Variants in PHACTR3 observed in about 807,000 individuals in gnomAD.
The protein encoded by PHACTR3 is protein phosphatase 1, regulatory subunit 123.
Under a neutral mutation model 66.8 loss-of-function variants are expected in PHACTR3, and 16 were observed. That is an observed-to-expected ratio of 0.24 (90% CI 0.16 to 0.36). The LOEUF (loss-of-function observed/expected upper bound fraction) is 0.36. PHACTR3 is among the 10% of genes least tolerant of loss of function. The pLI is 1.00. For synonymous variants in PHACTR3, 323 were observed against 292.1 expected (o/e 1.11, Z -1.08); for missense variants, 647 against 719.9 (o/e 0.90, Z 1.16).
chr20:59,590,102 C>A (rs560038868), intron 1 of PHACTR3, among the ~76,000 whole-genome samples: 1 of 152,108 alleles, frequency 6.6e-6, no homozygotes, highest in African/African-American at 2.4e-5. Context: ...TGTGCACTCA[C>A]GTGTGCATGT....
At chr20:59,671,776 C>T (rs2036203221) in intron 1 of PHACTR3, among the ~76,000 whole-genome samples, 1 of 152,246 alleles carries the variant, frequency 6.6e-6, no homozygotes, top group Admixed American at 6.5e-5. Context: ...TGGCTCTTGC[C>T]AGGCTGCGTG....
chr20:59,743,521 G>A (rs553562087), intron 2 of PHACTR3, among the ~76,000 whole-genome samples: 10 of 152,328 alleles, frequency 6.6e-5, no homozygotes, highest in African/African-American at 2.4e-4. Context: ...AGACCCTAAG[G>A]TGCCCACAAG....
intron 1 of PHACTR3, among the ~76,000 whole-genome samples, chr20:59,671,236 G>T (rs1399778293): frequency 6.6e-6 from 1 of 152,250 alleles, no homozygotes; most frequent in Non-Finnish European, 1.5e-5. Flanking sequence ...GCCTGGGCAA[G>T]TGGGGCTGTG....
At chr20:59,655,720 C>G (rs911864549) in intron 1 of PHACTR3, among the ~76,000 whole-genome samples, 1 of 151,742 alleles carries the variant, frequency 6.6e-6, no homozygotes, top group African/African-American at 2.4e-5. Context: ...TTTTTCTACT[C>G]TTTTCGAGTG....
At chr20:59,821,251 G>A (rs974512750) in intron 8 of PHACTR3, among the ~76,000 whole-genome samples, 10 of 152,264 alleles carry the variant, frequency 6.6e-5, no homozygotes, top group East Asian at 3.9e-4. Flanking sequence ...CAGACCGCAC[G>A]TTAGAGCCAC....
intron 1 of PHACTR3, among the ~76,000 whole-genome samples, chr20:59,623,142 A>C (rs763743294): frequency 1.3e-4 from 20 of 152,024 alleles, no homozygotes; most frequent in Admixed American, 3.3e-4. Flanking sequence ...TTATTGAAAA[A>C]AACTCAACAG....
intron 2 of PHACTR3, among the ~76,000 whole-genome samples, chr20:59,745,604 G>A (rs1286401332): frequency 2.0e-5 from 3 of 152,208 alleles, no homozygotes; most frequent in Non-Finnish European, 2.9e-5. Context: ...CTGATTTCAC[G>A]GGCATCACGG....
intron 5 of PHACTR3, among the ~76,000 whole-genome samples, chr20:59,769,448 C>G (rs866955934): frequency 2.0e-5 from 3 of 152,180 alleles, no homozygotes; most frequent in African/African-American, 4.8e-5. Flanking sequence ...AAGAATTTTC[C>G]GGGGGAGAGG....
intron 1 of PHACTR3, among the ~76,000 whole-genome samples, chr20:59,631,340 T>A (rs1476354812): frequency 6.6e-6 from 1 of 152,184 alleles, no homozygotes; most frequent in South Asian, 2.1e-4. Flanking sequence ...AATGAGCTCC[T>A]GGGGGATGCT....
chr20:59,748,546 G>C (rs890896902), intron 3 of PHACTR3, among the ~76,000 whole-genome samples: 1 of 152,208 alleles, frequency 6.6e-6, no homozygotes, highest in African/African-American at 2.4e-5. Context: ...GCAATTAACT[G>C]AACAGAGTTC....
rs1318875554 is a variant in PHACTR3 at position 59,806,620 on chromosome 20, G to GT, written c.1328+428dup. On this transcript the variant is annotated intron_variant, in intron 8 of 12. Transcript: ENST00000371015. The stretch of plus-strand genomic sequence containing the variant: ...TTTCCTGCAAGAAGGTGGATCCAGT[G>GT]TTGCCAGATCTTCTAAATTTGTCAA... Among the ~76,000 whole-genome samples, 9 of 152,330 alleles carry GT rather than the reference G, an allele frequency of 5.9e-5. No homozygotes were observed. In the East Asian group the frequency reaches 1.7e-3, roughly 29 times the overall value.
intron 1 of PHACTR3, among the ~76,000 whole-genome samples, chr20:59,662,248 G>A (rs544887694): frequency 6.6e-6 from 1 of 152,170 alleles, no homozygotes; most frequent in Non-Finnish European, 1.5e-5. Context: ...ACACATGGGT[G>A]TATGTGAAGA....
chr20:59,629,098 C>A (rs919181199), intron 1 of PHACTR3, among the ~76,000 whole-genome samples: 1 of 152,248 alleles, frequency 6.6e-6, no homozygotes, highest in African/African-American at 2.4e-5. Context: ...TATAGCTTCA[C>A]GACAACCAGG....
chr20:59,693,699 A>G (rs1482468977), intron 1 of PHACTR3, among the ~76,000 whole-genome samples: 1 of 152,142 alleles, frequency 6.6e-6, no homozygotes, highest in South Asian at 2.1e-4. Flanking sequence ...GGTTCTTCCA[A>G]TCTTGGCTGG....
At chr20:59,788,470 G>A (rs979337860) in intron 7 of PHACTR3, among the ~76,000 whole-genome samples, 5 of 151,838 alleles carry the variant, frequency 3.3e-5, no homozygotes, top group African/African-American at 1.2e-4. Flanking sequence ...CTCTCTCCCT[G>A]GCTCCCAGGA....
intron 1 of PHACTR3, among the ~76,000 whole-genome samples, chr20:59,713,457 A>C (rs1022850545): frequency 2.0e-5 from 3 of 152,180 alleles, no homozygotes; most frequent in Admixed American, 1.3e-4. Context: ...GTCTTAATTT[A>C]CATCGTCTTG....
At chr20:59,616,363 C>T (rs2034024808) in intron 1 of PHACTR3, among the ~76,000 whole-genome samples, 3 of 152,136 alleles carry the variant, frequency 2.0e-5, no homozygotes, top group African/African-American at 7.2e-5. Flanking sequence ...TTTTGAGGCT[C>T]CCAGATGCCC....
intron 2 of PHACTR3, among the ~76,000 whole-genome samples, chr20:59,743,613 C>A (rs1486361844): frequency 6.6e-6 from 1 of 152,204 alleles, no homozygotes; most frequent in Non-Finnish European, 1.5e-5. Context: ...GGAGCAAGGT[C>A]TCACTTGCTG....
Position 59,836,376 on chromosome 20 carries a change from T to C in PHACTR3, c.1329-129T>C, listed in dbSNP as rs2058965553. 6.6e-6 allele frequency: 5 copies of C among 762,394 alleles called. 1 individual carries two copies. Among genetic ancestry groups the C allele is most frequent in the South Asian group, 2.2e-5 (1 of 46,362 alleles). The allele number at this position is 762,394 out of a possible 1,614,324, so 47.2% of individuals were successfully genotyped here. On this transcript the variant is annotated intron_variant, in intron 8 of 12. Coordinates refer to ENST00000371015, the MANE Select transcript of PHACTR3 (RefSeq NM_080672.5). ...CAAGAGGCAACAACCAAAGGTTCAC[T>C]TTCTCTCCTTCCAATTTTGGGAGGC...
Sources: allele counts gnomAD v4.1 joint callset (sites outside exome capture counted in the v4.1 genomes callset), GRCh38; gene constraint gnomAD v4.1.1; transcripts MANE v1.5; gene names NCBI Gene and HGNC (gene_info 2026-07-23, HGNC 2026-07-21).